The following MBD5 variants were observed in gnomAD, a reference collection of about 807,000 sequenced individuals.
MBD5 encodes the protein methyl-CpG-binding domain protein 5.
MBD5 carries 13 observed loss-of-function variants against 117.3 expected under a neutral mutation model. That is an observed-to-expected ratio of 0.11 (90% CI 0.07 to 0.18). MBD5 has a LOEUF of 0.18. Ranked by LOEUF, MBD5 falls within the 10% of genes least tolerant of loss-of-function variation. The pLI is 1.00. For missense variants in MBD5, 1,879 were observed against 2,093.8 expected, an observed-to-expected ratio of 0.90 and a Z score of 2.00; for synonymous variants, 727 against 766.4, an observed-to-expected ratio of 0.95 and a Z score of 0.85.
intron 13 of MBD5, among the ~76,000 whole-genome samples, chr2:148,511,393 A>T (rs571264376): frequency 6.6e-6 from 1 of 152,332 alleles, no homozygotes; most frequent in South Asian, 2.1e-4. Context: ...GCCTCGGGAC[A>T]TTTGGTCCTG....
At chr2:148,140,775 T>C (rs1697294072) in intron 1 of MBD5, among the ~76,000 whole-genome samples, 1 of 152,086 alleles carries the variant, frequency 6.6e-6, no homozygotes, top group Non-Finnish European at 1.5e-5. Context: ...TTTTTTTTTT[T>C]TCCCGAAGAT....
intron 4 of MBD5, among the ~76,000 whole-genome samples, chr2:148,409,482 G>C (rs1705189352): frequency 6.6e-6 from 1 of 151,948 alleles, no homozygotes; most frequent in South Asian, 2.1e-4. Flanking sequence ...AGGAAGGATT[G>C]ATTTTTTTCT....
intron 4 of MBD5, among the ~76,000 whole-genome samples, chr2:148,423,056 A>G (rs1336703732): frequency 6.6e-6 from 1 of 152,212 alleles, no homozygotes; most frequent in Admixed American, 6.5e-5. Context: ...ACAGGCCAAC[A>G]TTCAAATTCA....
intron 3 of MBD5, among the ~76,000 whole-genome samples, chr2:148,235,964 A>G (rs1455831328): frequency 2.0e-5 from 3 of 151,760 alleles, no homozygotes; most frequent in African/African-American, 7.3e-5. Context: ...ACACCAGGCT[A>G]ATTTTTATAT....
At chr2:148,229,623 G>A (rs553902640) in intron 2 of MBD5, among the ~76,000 whole-genome samples, 3 of 152,088 alleles carry the variant, frequency 2.0e-5, no homozygotes, top group Admixed American at 6.6e-5. Flanking sequence ...GTACTTACTC[G>A]TAGCTGTCCT....
intron 1 of MBD5, among the ~76,000 whole-genome samples, chr2:148,168,347 T>C (rs1274255888): frequency 6.6e-6 from 1 of 152,198 alleles, no homozygotes; most frequent in Non-Finnish European, 1.5e-5. Flanking sequence ...CCTTCTTTTT[T>C]CTCCACTATA....
chr2:148,397,363 T>G (rs1485045672), intron 4 of MBD5, among the ~76,000 whole-genome samples: 3 of 143,856 alleles, frequency 2.1e-5, no homozygotes, highest in African/African-American at 7.7e-5. Context: ...GGAGTCTCGC[T>G]GTCTCGCCCA....
chr2:148,085,062 C>T (rs1467649689), intron 1 of MBD5, among the ~76,000 whole-genome samples: 1 of 152,142 alleles, frequency 6.6e-6, no homozygotes, highest in Admixed American at 6.5e-5. Flanking sequence ...ATAGCATCCC[C>T]TGTGCCACAT....
intron 4 of MBD5, among the ~76,000 whole-genome samples, chr2:148,425,971 A>G (rs570236407): frequency 7.0e-4 from 107 of 152,324 alleles, no homozygotes; most frequent in Middle Eastern, 3.4e-3. Flanking sequence ...TACAAAATCA[A>G]TGTGCAAAAA....
chr2:148,078,032 T>C (rs773918710), intron 1 of MBD5, among the ~76,000 whole-genome samples: 18 of 152,140 alleles, frequency 1.2e-4, no homozygotes, highest in Non-Finnish European at 2.2e-4. Flanking sequence ...AGCAACAGTT[T>C]GTAGAATTCT....
chr2:148,241,975 A>G (rs1024955669), intron 3 of MBD5, among the ~76,000 whole-genome samples: 2 of 151,990 alleles, frequency 1.3e-5, no homozygotes, highest in African/African-American at 4.8e-5. Flanking sequence ...TTACTTTCAT[A>G]TTTACCTGTT....
At chr2:148,037,632 CAAAG>C (rs971808254) in intron 1 of MBD5, among the ~76,000 whole-genome samples, 11 of 151,680 alleles carry the variant, frequency 7.3e-5, no homozygotes, top group African/African-American at 2.7e-4. Flanking sequence ...AAATTTTTCT[CAAAG>C]AGAAAAAACA....
At chr2:148,063,332 C>G (rs558373336) in intron 1 of MBD5, among the ~76,000 whole-genome samples, 7 of 152,056 alleles carry the variant, frequency 4.6e-5, no homozygotes, top group African/African-American at 1.7e-4. Context: ...TTAATTGATG[C>G]AAGAAATTGA....
At chr2:148,174,621 C>A (rs961313716) in intron 1 of MBD5, among the ~76,000 whole-genome samples, 2 of 150,852 alleles carry the variant, frequency 1.3e-5, no homozygotes, top group African/African-American at 2.4e-5. Context: ...TAAAAAAAAA[C>A]ATTAAAAATT....
At chr2:148,239,000 T>TAC (rs1213126701) in intron 3 of MBD5, among the ~76,000 whole-genome samples, 6 of 123,666 alleles carry the variant, frequency 4.9e-5, no homozygotes, top group Non-Finnish European at 8.8e-5. Context: ...CTCTATCATA[T>TAC]ATATATATAT....
In MBD5 at chr2:148,125,094, C is replaced by T. The variant is rs926703566; in HGVS notation, c.-924-53606C>T. Among the ~76,000 whole-genome samples, 54 of 151,912 alleles carry T rather than the reference C, an allele frequency of 3.6e-4. 2 individuals carry two copies. Among genetic ancestry groups the T allele is most frequent in the Admixed American group, 3.0e-3 (45 of 15,254 alleles). On this transcript the variant is annotated intron_variant, in intron 1 of 13. Coordinates refer to ENST00000642680, the MANE Select transcript of MBD5 (RefSeq NM_001378120.1). Reference sequence around the variant, plus strand: ...TTACTGTATTTCATCAATTCTAAGACGAACTTTCTTCATATTTTGACATCT... The same window carrying T: ...TTACTGTATTTCATCAATTCTAAGATGAACTTTCTTCATATTTTGACATCT...
chr2:148,339,309 T>C (rs1702879714), intron 3 of MBD5, among the ~76,000 whole-genome samples: 1 of 152,130 alleles, frequency 6.6e-6, no homozygotes, highest in Non-Finnish European at 1.5e-5. Context: ...GTTCTTCCCC[T>C]TTCCCAGCTT....
chr2:148,228,843 T>G (rs1338255554), intron 2 of MBD5, among the ~76,000 whole-genome samples: 3 of 152,128 alleles, frequency 2.0e-5, no homozygotes, highest in Non-Finnish European at 4.4e-5. Context: ...CTTGGGAGAG[T>G]GTATGTGTCA....
intron 3 of MBD5, among the ~76,000 whole-genome samples, chr2:148,288,981 A>G (rs1031122962): frequency 3.3e-5 from 5 of 152,164 alleles, no homozygotes; most frequent in South Asian, 2.1e-4. Context: ...TCTGTATTAT[A>G]TCTTTGACAA....
Sources: allele counts gnomAD v4.1 joint callset (sites outside exome capture counted in the v4.1 genomes callset), GRCh38; gene constraint gnomAD v4.1.1; transcripts MANE v1.5; gene names NCBI Gene and HGNC (gene_info 2026-07-23, HGNC 2026-07-21).